The following IQCE variants were observed in gnomAD, a reference collection of about 807,000 sequenced individuals.
The protein encoded by IQCE is IQ domain-containing protein E.
In IQCE, 115 loss-of-function variants were observed where a neutral mutation model predicts 96.0. That is an observed-to-expected ratio of 1.20 (90% confidence interval 1.03 to 1.40). The LOEUF is 1.40. Ranked by LOEUF, IQCE falls within the 40% of genes most tolerant of loss-of-function variation. The probability of loss-of-function intolerance (pLI) is 0.00; values close to 1 mark genes in which losing one functional copy is unlikely to be tolerated. For synonymous variants in IQCE, 412 were observed against 371.2 expected (o/e 1.11, Z -1.26); for missense variants, 1,041 against 909.1 (o/e 1.15, Z -1.87).
chr7:2,585,631 A>G (rs1467921801), intron 11 of IQCE, among the ~76,000 whole-genome samples: 1 of 152,220 alleles, frequency 6.6e-6, no homozygotes, highest in Non-Finnish European at 1.5e-5. Context: ...CAGAAAGCAC[A>G]CTTGTTTTTA....
chr7:2,609,333 G>A (rs1456761414), intron 21 of IQCE, among the ~76,000 whole-genome samples: 2 of 143,586 alleles, frequency 1.4e-5, no homozygotes, highest in Non-Finnish European at 3.0e-5. Context: ...TTTTTTTGAA[G>A]TGCAGTCTAG....
At chr7:2,608,803 G>T (rs1019544151) in intron 21 of IQCE, among the ~76,000 whole-genome samples, 6 of 152,188 alleles carry the variant, frequency 3.9e-5, no homozygotes, top group Non-Finnish European at 8.8e-5. Context: ...TTGACCTAAG[G>T]AAATGTCTCT....
At position 2,559,195 on chromosome 7, in the gene IQCE, C is replaced by G; in HGVS notation, c.14C>G (p.Thr5Ser). The G allele has an allele frequency of 8.2e-7, 1 of 1,216,866 alleles. No individual in the cohort carries two copies. Among genetic ancestry groups the G allele is most frequent in the Non-Finnish European group, 1.0e-6 (1 of 977,534 alleles). 75.4% of individuals were successfully genotyped at this position (1,216,866 alleles called of 1,614,324 possible). Residue 5 changes from threonine to serine, a missense_variant, in exon 1 of 22, where the codon ACC becomes AGC. Physicochemically the swap from Thr to Ser is moderately conservative, Grantham distance 58. Transcript: ENST00000402050. ...AGCGCCGCCACCATGTTCCTGGGCA[C>G]CGGGGAGCCGGCCTTGGACACGGTA... MFLG[T>S]GEPALDTGDD...
At chr7:2,594,587 T>G (rs1201516998) in intron 15 of IQCE, among the ~76,000 whole-genome samples, 2 of 152,268 alleles carry the variant, frequency 1.3e-5, no homozygotes, top group Non-Finnish European at 2.9e-5. Context: ...ACGGATTCTT[T>G]TTTTAGTTCT....
intron 17 of IQCE, among the ~76,000 whole-genome samples, chr7:2,600,772 GC>G (rs1784380028): frequency 6.6e-6 from 1 of 152,178 alleles, no homozygotes; most frequent in South Asian, 2.1e-4. Context: ...CTGTCATCCG[GC>G]CGTGGTGGTC....
chr7:2,584,877 C>G (rs1782975366), intron 11 of IQCE, among the ~76,000 whole-genome samples: 1 of 152,180 alleles, frequency 6.6e-6, no homozygotes, highest in South Asian at 2.1e-4. Flanking sequence ...CAGATGCTAA[C>G]TACAGTCGAT....
At chr7:2,587,448 T>G in intron 12 of IQCE, among the ~76,000 whole-genome samples, 2 of 149,648 alleles carry the variant, frequency 1.3e-5, no homozygotes, top group African/African-American at 2.5e-5. Flanking sequence ...AGGGGAGGAG[T>G]GGCTAGCGAG....
intron 21 of IQCE, among the ~76,000 whole-genome samples, chr7:2,607,779 G>A (rs1486341021): frequency 6.6e-6 from 1 of 152,200 alleles, no homozygotes; most frequent in Non-Finnish European, 1.5e-5. Flanking sequence ...ATGCTGCTCT[G>A]CGTGGACTTG....
At chr7:2,608,495 A>C (rs1784975135) in intron 21 of IQCE, among the ~76,000 whole-genome samples, 1 of 152,230 alleles carries the variant, frequency 6.6e-6, no homozygotes, top group Admixed American at 6.5e-5. Flanking sequence ...GAACTTTGAT[A>C]TTCTCTCCAA....
chr7:2,603,306 C>T (rs1784562363), intron 18 of IQCE, among the ~76,000 whole-genome samples: 1 of 152,222 alleles, frequency 6.6e-6, no homozygotes, highest in East Asian at 1.9e-4. Context: ...TTGCCAGCCT[C>T]CCGTCAGAAT....
Position 2,582,098 on chromosome 7 carries a change from G to A in IQCE, c.631-482G>A, listed in dbSNP as rs1419675327. 6.4e-6 allele frequency: 3 copies of A among 468,586 alleles called. No individual in the cohort carries two copies. In the East Asian group the frequency reaches 2.1e-4, roughly 32 times the overall value. The allele number at this position is 468,586 out of a possible 1,614,324, so 29.0% of individuals were successfully genotyped here. On this transcript the variant is annotated intron_variant, in intron 8 of 21. Coordinates refer to ENST00000402050, the MANE Select transcript of IQCE (RefSeq NM_152558.5). Reference sequence around the variant, plus strand: ...AGGAGGTGAGGAGGCCGCTGGAGCTGTTCTCCCTTCCCCAAATAGAGGGGA... The same window carrying A: ...AGGAGGTGAGGAGGCCGCTGGAGCTATTCTCCCTTCCCCAAATAGAGGGGA...
chr7:2,602,425 G>A (rs545245413), intron 18 of IQCE, among the ~76,000 whole-genome samples: 1 of 152,208 alleles, frequency 6.6e-6, no homozygotes, highest in African/African-American at 2.4e-5. Flanking sequence ...TCTCCTCTAG[G>A]GCCCCTTCAG....
At chr7:2,604,025 G>A (rs555037293) in intron 18 of IQCE, among the ~76,000 whole-genome samples, 1 of 145,002 alleles carries the variant, frequency 6.9e-6, no homozygotes, top group African/African-American at 2.6e-5. Context: ...GTCTCACTGT[G>A]TCACCCAGGC....
At chr7:2,581,539 A>G (rs13246573) in intron 8 of IQCE, among the ~76,000 whole-genome samples, 55,229 of 151,682 alleles carry the variant, frequency 0.36, 10,630 homozygotes, top group Non-Finnish European at 0.44. Context: ...TTAAAATCCA[A>G]TTTAAAAGTT....
At chr7:2,561,692 ATTACT>A (rs1562613577) in intron 1 of IQCE, among the ~76,000 whole-genome samples, 1 of 152,184 alleles carries the variant, frequency 6.6e-6, no homozygotes, top group East Asian at 1.9e-4. Context: ...AAGTGCTGGG[ATTACT>A]GGCCTGAGCC....
In IQCE at chr7:2,563,375, T is replaced by TTTTGTGTG. The variant is rs60896382; in HGVS notation, c.37-3740_37-3739insTTGTGTGT. Among the ~76,000 whole-genome samples the TTTTGTGTG allele has an allele frequency of 6.6e-3, 900 of 135,792 alleles. 12 individuals carry two copies. The highest frequency in any genetic ancestry group is 0.035 in the Middle Eastern group (10 of 282). The allele number at this position is 135,792 out of a possible 152,430, so 89.1% of individuals were successfully genotyped here. Reference sequence around the variant, plus strand: ...TGATGCCCAGCTAATTAATTTTTTGTTGTGTGTGTGTGTGTGTGTGTGTGT... The same window carrying TTTTGTGTG: ...TGATGCCCAGCTAATTAATTTTTTGTTTTGTGTGTGTGTGTGTGTGTGTGTGTGTGTGT... On this transcript the variant is annotated intron_variant, in intron 1 of 21. Transcript: ENST00000402050.
chr7:2,566,674 T>C (rs1253822966), intron 1 of IQCE: 1 of 179,970 alleles, frequency 5.6e-6, no homozygotes, highest in Non-Finnish European at 1.2e-5. Context: ...TGTCTCACCA[T>C]GTTGCCCAGG....
intron 13 of IQCE, among the ~76,000 whole-genome samples, chr7:2,588,758 T>TG (rs1783341628): frequency 7.2e-6 from 1 of 139,770 alleles, no homozygotes; most frequent in Non-Finnish European, 1.5e-5. Context: ...TTTTGCCTCC[T>TG]GGGTTCAGGC....
intron 9 of IQCE, 89 bp downstream of exon 9, chr7:2,582,739 C>T (rs1296110700): frequency 1.7e-6 from 2 of 1,159,414 alleles, no homozygotes; most frequent in Non-Finnish European, 2.5e-6. Context: ...CCACCCCGTC[C>T]TGTGTCCCTA....
Sources: allele counts gnomAD v4.1 joint callset (sites outside exome capture counted in the v4.1 genomes callset), GRCh38; gene constraint gnomAD v4.1.1; transcripts MANE v1.5; gene names NCBI Gene and HGNC (gene_info 2026-07-23, HGNC 2026-07-21).